Variants in CSRP3 observed in about 807,000 individuals in gnomAD.
CSRP3 encodes the protein cysteine and glycine rich protein 3, also known as cysteine and glycine-rich protein 3.
Under a neutral mutation model 24.3 loss-of-function variants are expected in CSRP3, and 24 were observed. The ratio of observed to expected loss-of-function variants is 0.99; its 90% CI spans 0.71 to 1.39. The LOEUF is 1.39. CSRP3 is among the 40% of genes most tolerant of loss of function. The pLI is 0.00. For synonymous variants in CSRP3, 105 were observed against 94.0 expected (o/e 1.12, Z -0.68); for missense variants, 240 against 249.0 (o/e 0.96, Z 0.24).
Position 19,184,971 on chromosome 11 carries a change from A to C in CSRP3, c.489T>G (p.Asp163Glu). 1 of 1,613,676 alleles carries C rather than the reference A, an allele frequency of 6.2e-7. No homozygotes were observed. The change falls in exon 5 of 6, where the codon GAT becomes GAG. Residue 163 changes from aspartate to glutamate, a missense_variant. By Grantham distance (45) the Asp-to-Glu change is conservative. Transcript: ENST00000265968. ...SLESTNVTDKDGELYCKVCYA... is the reference protein window; with the variant it reads ...SLESTNVTDKEGELYCKVCYA... ...ACTCACCTTTGCAATAAAGTTCCCC[A>C]TCTTTGTCAGTGACATTTGTGGACT...
At chr11:19,194,453 G>C (rs1850664506) in intron 1 of CSRP3, among the ~76,000 whole-genome samples, 1 of 152,144 alleles carries the variant, frequency 6.6e-6, no homozygotes, top group Non-Finnish European at 1.5e-5. Context: ...CAAGGCAGGA[G>C]GATCACTAGC....
At chr11:19,196,262 A>C (rs979726894) in intron 1 of CSRP3, among the ~76,000 whole-genome samples, 5 of 152,146 alleles carry the variant, frequency 3.3e-5, no homozygotes, top group Non-Finnish European at 7.4e-5. Context: ...ACTCCATCTG[A>C]AAAAATAAGT....
intron 2 of CSRP3, among the ~76,000 whole-genome samples, chr11:19,191,363 G>T (rs1467992124): frequency 6.6e-6 from 1 of 152,272 alleles, no homozygotes; most frequent in South Asian, 2.1e-4. Flanking sequence ...GCAGCTACCG[G>T]GCTGAAGCAT....
intron 1 of CSRP3, among the ~76,000 whole-genome samples, chr11:19,200,087 G>T (rs1449303721): frequency 6.6e-6 from 1 of 150,754 alleles, no homozygotes; most frequent in Non-Finnish European, 1.5e-5. Context: ...CTTGTACTTA[G>T]CAGGAAACCC....
At chr11:19,182,822 C>A in intron 5 of CSRP3, 76 bp from the exon 6 acceptor site, 2 of 1,020,790 alleles carry the variant, frequency 2.0e-6, no homozygotes, top group Non-Finnish European at 3.1e-6. Flanking sequence ...TCTGTCTGAG[C>A]ACAGTCCTTT....
chr11:19,183,911 C>T (rs887514960), intron 5 of CSRP3, among the ~76,000 whole-genome samples: 2 of 152,164 alleles, frequency 1.3e-5, no homozygotes, highest in South Asian at 2.1e-4. Flanking sequence ...GTAAGCCTCA[C>T]GAGATCTGAT....
intron 1 of CSRP3, among the ~76,000 whole-genome samples, chr11:19,197,388 C>CCCTTCCTTCCTTCCTTCCTTCCTTCCTT (rs869090928): frequency 9.2e-5 from 1 of 10,846 alleles, no homozygotes; most frequent in African/African-American, 3.0e-4. Context: ...CTCCCTCCCT[C>CCCTTCCTTCCTTCCTTCCTTCCTTCCTT]CCTTCCTTCC....
chr11:19,199,627 T>C (rs1470857384), intron 1 of CSRP3, among the ~76,000 whole-genome samples: 1 of 152,228 alleles, frequency 6.6e-6, no homozygotes, highest in Non-Finnish European at 1.5e-5. Flanking sequence ...AACTTTAGTT[T>C]CTTCCTCTGA....
At chr11:19,186,462 G>A (rs562040092) in intron 3 of CSRP3, 114 bp from the exon 4 acceptor site, 9 of 1,278,618 alleles carry the variant, frequency 7.0e-6, no homozygotes, top group Non-Finnish European at 1.0e-5. Context: ...TCCTCATCTG[G>A]AAAATGGGGA....
rs1052467821 is a variant in CSRP3, at chr11:19,186,452, T to C, written c.282-104A>G. On this transcript the variant is annotated intron_variant, in intron 3 of 5. Transcript: ENST00000265968. Reference sequence around the variant, plus strand: ...GACCTCACTTCCGTGTGTCTCAGACTCCTCATCTGGAAAATGGGGATAATG... The same window carrying C: ...GACCTCACTTCCGTGTGTCTCAGACCCCTCATCTGGAAAATGGGGATAATG... The C allele has an allele frequency of 5.1e-6, 7 of 1,383,276 alleles. No individual in the cohort carries two copies. The Admixed American group carries it at 5.2e-5, about 10-fold the overall frequency. The allele number at this position is 1,383,276 out of a possible 1,614,324, so 85.7% of individuals were successfully genotyped here.
chr11:19,184,959 A>G lies in CSRP3; in HGVS notation c.501T>C (p.Tyr167=), dbSNP rs1161551238. Residue 167 remains tyrosine, a synonymous_variant, in exon 5 of 6, where the codon TAT becomes TAC. Coordinates refer to ENST00000265968, the MANE Select transcript of CSRP3 (RefSeq NM_003476.5). ...GTCTCCAGAATCACTCACCTTTGCAATAAAGTTCCCCATCTTTGTCAGTGA... is the reference window on the plus strand; with the variant it reads ...GTCTCCAGAATCACTCACCTTTGCAGTAAAGTTCCCCATCTTTGTCAGTGA... ...TNVTDKDGEL[Y]CKVCYAKNFG... is the part of the protein sequence containing the mutation. 1.9e-6 allele frequency: 3 copies of G among 1,611,802 alleles called. No individual in the cohort carries two copies. The highest frequency in any genetic ancestry group is 1.3e-5 in the African/African-American group (1 of 74,900).
Position 19,182,424 on chromosome 11 carries a change from CATTT to C in CSRP3, c.*242_*245del. 1 of 564,740 alleles carries C rather than the reference CATTT, an allele frequency of 1.8e-6. No individual in the cohort carries two copies. Among genetic ancestry groups the C allele is most frequent in the Non-Finnish European group, 3.2e-6 (1 of 315,598 alleles). 35.0% of individuals were successfully genotyped at this position (564,740 alleles called of 1,614,324 possible). A position where few individuals can be genotyped will look rare whatever the true frequency, so the allele number is the denominator to read the frequency against. On this transcript the variant is annotated 3_prime_UTR_variant, in exon 6 of 6. Transcript: ENST00000265968. Reference sequence around the variant, plus strand: ...AGAGCCATACAAGATAGCACTAAAACATTTATTTATTGCCTCTCCCATTCCAAGC... The same window carrying C: ...AGAGCCATACAAGATAGCACTAAAACATTTATTGCCTCTCCCATTCCAAGC...
At chr11:19,183,978 TG>T (rs1159644443) in intron 5 of CSRP3, among the ~76,000 whole-genome samples, 2 of 152,198 alleles carry the variant, frequency 1.3e-5, no homozygotes, top group Admixed American at 6.5e-5. Flanking sequence ...CTATGTAAGG[TG>T]TGACTTTGCT....
intron 2 of CSRP3, among the ~76,000 whole-genome samples, chr11:19,191,592 G>A (rs1031414978): frequency 6.6e-6 from 1 of 152,162 alleles, no homozygotes; most frequent in Non-Finnish European, 1.5e-5. Flanking sequence ...AAAGGTAGAG[G>A]TTCATGTATA....
At chr11:19,187,987 A>C (rs1024777376) in intron 3 of CSRP3, 149 bp downstream of exon 3, 3 of 925,336 alleles carry the variant, frequency 3.2e-6, no homozygotes, top group Non-Finnish European at 5.3e-6. Context: ...ACATTGTTCA[A>C]ACTTGGTCAG....
intron 2 of CSRP3, among the ~76,000 whole-genome samples, 163 bp downstream of exon 2, chr11:19,192,174 G>T (rs1368114913): frequency 6.6e-6 from 1 of 152,152 alleles, no homozygotes; most frequent in Non-Finnish European, 1.5e-5. Flanking sequence ...TTTCTTGGTG[G>T]AGCCCAAGAG....
intron 3 of CSRP3, among the ~76,000 whole-genome samples, chr11:19,187,007 A>C (rs950654025): frequency 2.6e-5 from 4 of 152,166 alleles, no homozygotes; most frequent in African/African-American, 7.2e-5. Flanking sequence ...GGCTGGTTGG[A>C]GGAGAGTGAG....
intron 3 of CSRP3, among the ~76,000 whole-genome samples, chr11:19,187,507 G>A (rs568061210): frequency 1.3e-5 from 2 of 152,208 alleles, no homozygotes; most frequent in African/African-American, 4.8e-5. Flanking sequence ...GGTCAATGTG[G>A]TTATCAAGAA....
chr11:19,197,563 C>CTTTCTT lies in CSRP3; in HGVS notation c.-29+4385_-29+4390dup, dbSNP rs1554968723. ...TCTTTCTTTCTTTCTTTCTTTCTTTCTTTCTTTCTTTCTTCTTTCACTACC... is the reference window on the plus strand; with the variant it reads ...TCTTTCTTTCTTTCTTTCTTTCTTTCTTTCTTTTTCTTTCTTTCTTCTTTCACTACC... On this transcript the variant is annotated intron_variant, in intron 1 of 5. Transcript: ENST00000265968. Among the ~76,000 whole-genome samples the CTTTCTT allele has an allele frequency of 6.2e-3, 777 of 124,890 alleles. 12 individuals are homozygous for CTTTCTT. Among genetic ancestry groups the CTTTCTT allele is most frequent in the South Asian group, 0.025 (93 of 3,706 alleles). 81.9% of individuals were successfully genotyped at this position (124,890 alleles called of 152,430 possible).
Sources: allele counts gnomAD v4.1 joint callset (sites outside exome capture counted in the v4.1 genomes callset), GRCh38; gene constraint gnomAD v4.1.1; transcripts MANE v1.5; gene names NCBI Gene and HGNC (gene_info 2026-07-23, HGNC 2026-07-21).